The following FKBP7 variants were observed in gnomAD, a reference collection of about 807,000 sequenced individuals.
FKBP7 encodes the protein peptidyl-prolyl cis-trans isomerase FKBP7.
In FKBP7, 24 loss-of-function variants were observed where a neutral mutation model predicts 24.3. The observed-to-expected ratio is 0.99, with a 90% CI of 0.72 to 1.39. The LOEUF is 1.39. FKBP7 is among the 40% of genes most tolerant of loss of function. The pLI is 0.00. For synonymous variants in FKBP7, 98 were observed against 92.8 expected (o/e 1.06, Z -0.32); for missense variants, 257 against 269.5 (o/e 0.95, Z 0.33).
chr2:178,476,507 C>G (rs1685004603), intron 2 of FKBP7, among the ~76,000 whole-genome samples: 1 of 152,154 alleles, frequency 6.6e-6, no homozygotes, highest in Non-Finnish European at 1.5e-5. Context: ...TTCCCCTTTT[C>G]CCTCTCACTT....
At chr2:178,475,890 A>G (rs1040806474) in intron 2 of FKBP7, among the ~76,000 whole-genome samples, 1 of 152,194 alleles carries the variant, frequency 6.6e-6, no homozygotes, top group African/African-American at 2.4e-5. Flanking sequence ...AAATGACAAG[A>G]TATTGAAAGA....
Position 178,478,597 on chromosome 2 carries a change from T to A in FKBP7, c.-98A>T, listed in dbSNP as rs367946624. Reference sequence around the variant, plus strand: ...GACGCGTGGCAGGCGTTGTCCTGCGTCACAAAGGGCCGGGGCGGGGCCATA... The same window carrying A: ...GACGCGTGGCAGGCGTTGTCCTGCGACACAAAGGGCCGGGGCGGGGCCATA... On this transcript the variant is annotated 5_prime_UTR_variant, in exon 1 of 4. Transcript: ENST00000424785. The A allele has an allele frequency of 6.4e-7, 1 of 1,552,464 alleles. No homozygotes were observed. The highest frequency in any genetic ancestry group is 8.6e-7 in the Non-Finnish European group (1 of 1,157,638).
chr2:178,469,106 A>G (rs768940509), intron 3 of FKBP7, among the ~76,000 whole-genome samples: 2 of 152,122 alleles, frequency 1.3e-5, no homozygotes, highest in Non-Finnish European at 2.9e-5. Flanking sequence ...CCTGGGCTCA[A>G]GCAATCCTCC....
Position 178,465,585 on chromosome 2 carries a change from A to G in FKBP7, c.*185T>C, listed in dbSNP as rs1684630636. 1 of 468,252 alleles carries G rather than the reference A, an allele frequency of 2.1e-6. No homozygotes were observed. The highest frequency in any genetic ancestry group is 4.1e-5 in the Admixed American group (1 of 24,168). 29.0% of individuals were successfully genotyped at this position (468,252 alleles called of 1,614,324 possible). ...ATAAAGCAGTAGGAAACACAGTCATACCATTCCTGCAAGTTAAGTTTGCAA... is the reference window on the plus strand; with the variant it reads ...ATAAAGCAGTAGGAAACACAGTCATGCCATTCCTGCAAGTTAAGTTTGCAA... On this transcript the variant is annotated 3_prime_UTR_variant, in exon 4 of 4. Coordinates refer to ENST00000424785, the MANE Select transcript of FKBP7 (RefSeq NM_181342.3).
intron 2 of FKBP7, among the ~76,000 whole-genome samples, chr2:178,473,654 T>G (rs1475625769): frequency 6.6e-6 from 1 of 152,082 alleles, no homozygotes; most frequent in Non-Finnish European, 1.5e-5. Flanking sequence ...GAGTGGGTGC[T>G]CTAGTGGTAG....
Position 178,465,249 on chromosome 2 carries a change from A to G in FKBP7, c.*521T>C, listed in dbSNP as rs1684620993. ...CTTTGTGGAACAGAGATATACAACT[A>G]TCTTCCTGCACATATACCAAAGGAA... On this transcript the variant is annotated 3_prime_UTR_variant, in exon 4 of 4. Transcript: ENST00000424785. The G allele has an allele frequency of 1.3e-5, 2 of 152,246 alleles. No individual in the cohort carries two copies. Among genetic ancestry groups the G allele is most frequent in the Admixed American group, 6.5e-5 (1 of 15,278 alleles). 9.4% of individuals were successfully genotyped at this position (152,246 alleles called of 1,614,324 possible).
chr2:178,477,344 G>A, intron 1 of FKBP7, 131 bp from the exon 2 acceptor site: 1 of 871,528 alleles, frequency 1.1e-6, no homozygotes, highest in Non-Finnish European at 1.7e-6. Context: ...AACCCTTAAT[G>A]GGGTGTTTGA....
At chr2:178,469,981 CT>C (rs11370298) in intron 2 of FKBP7, among the ~76,000 whole-genome samples, 196 bp from the exon 3 acceptor site, 1 of 145,936 alleles carries the variant, frequency 6.9e-6, no homozygotes, top group African/African-American at 2.5e-5. Context: ...TTTTTTTTCT[CT>C]TTTTTTTATA....
Position 178,465,587 on chromosome 2 carries a change from C to T in FKBP7, c.*183G>A. ...AAAGCAGTAGGAAACACAGTCATAC[C>T]ATTCCTGCAAGTTAAGTTTGCAAAA... On this transcript the variant is annotated 3_prime_UTR_variant, in exon 4 of 4. Transcript: ENST00000424785. 1 of 469,120 alleles carries T rather than the reference C, an allele frequency of 2.1e-6. No individual in the cohort carries two copies. The highest frequency in any genetic ancestry group is 3.6e-6 in the Non-Finnish European group (1 of 276,376). 29.1% of individuals were successfully genotyped at this position (469,120 alleles called of 1,614,324 possible). A position where few individuals can be genotyped will look rare whatever the true frequency, so the allele number is the denominator to read the frequency against.
At chr2:178,470,891 T>G (rs1330357824) in intron 2 of FKBP7, among the ~76,000 whole-genome samples, 1 of 152,240 alleles carries the variant, frequency 6.6e-6, no homozygotes, top group Non-Finnish European at 1.5e-5. Context: ...TTATTTATTT[T>G]TTTTGAGACG....
At chr2:178,476,714 A>ATTTT (rs35360731) in intron 2 of FKBP7, among the ~76,000 whole-genome samples, 32 of 122,528 alleles carry the variant, frequency 2.6e-4, no homozygotes, top group Admixed American at 3.5e-4. Context: ...ATTCCATTTC[A>ATTTT]TTTTTTTTTT....
intron 2 of FKBP7, among the ~76,000 whole-genome samples, chr2:178,475,940 T>C (rs1240296748): frequency 6.6e-6 from 1 of 152,238 alleles, no homozygotes; most frequent in African/African-American, 2.4e-5. Context: ...TTGTCCTGTA[T>C]TGGGGTAATA....
intron 3 of FKBP7, chr2:178,467,953 C>T (rs1559376168): frequency 6.6e-6 from 1 of 152,138 alleles, no homozygotes. Flanking sequence ...CCATTTGCCA[C>T]CCCGGTAACT....
At chr2:178,471,638 C>A (rs1357374107) in intron 2 of FKBP7, among the ~76,000 whole-genome samples, 1 of 152,182 alleles carries the variant, frequency 6.6e-6, no homozygotes, top group Non-Finnish European at 1.5e-5. Context: ...TTGCCAGTGT[C>A]CTACACAGTG....
Position 178,477,091 on chromosome 2 carries a change from G to A in FKBP7, c.344C>T (p.Pro115Leu). ...PGEKRKVVIP[P>L]SFAYGKEGYA... is the part of the protein sequence containing the mutation. ...GCCTTCCTTTCCGTATGCAAATGAA[G>A]GGGGTATAACTACTTTTCGCTTTTC... Residue 115 changes from proline to leucine, a missense_variant, in exon 2 of 4, where the codon CCT becomes CTT. Transcript: ENST00000424785. The A allele has an allele frequency of 6.2e-7, 1 of 1,605,304 alleles. No individual in the cohort carries two copies. Among genetic ancestry groups the A allele is most frequent in the Non-Finnish European group, 8.5e-7 (1 of 1,177,296 alleles).
chr2:178,466,073 G>A, intron 3 of FKBP7, 142 bp from the exon 4 acceptor site: 1 of 686,954 alleles, frequency 1.5e-6, no homozygotes, highest in Non-Finnish European at 2.2e-6. Context: ...GCTATTTGAG[G>A]TTTTATTTTT....
chr2:178,466,154 T>A (rs1233974955), intron 3 of FKBP7, among the ~76,000 whole-genome samples: 1 of 152,180 alleles, frequency 6.6e-6, no homozygotes, highest in African/African-American at 2.4e-5. Flanking sequence ...TGATAGATGG[T>A]TAGTGGTACA....
At chr2:178,471,138 T>G (rs1009690743) in intron 2 of FKBP7, among the ~76,000 whole-genome samples, 1 of 152,008 alleles carries the variant, frequency 6.6e-6, no homozygotes, top group African/African-American at 2.4e-5. Flanking sequence ...GTGCTAGGAT[T>G]ACAGATGTGA....
intron 2 of FKBP7, among the ~76,000 whole-genome samples, chr2:178,476,714 ATTTTTTT>A (rs35360731): frequency 1.6e-5 from 2 of 122,530 alleles, no homozygotes; most frequent in Non-Finnish European, 3.4e-5. Context: ...ATTCCATTTC[ATTTTTTT>A]TTTTTTTTTT....
Sources: gnomAD v4.1 joint callset for allele counts (sites outside exome capture counted in the v4.1 genomes callset) on GRCh38, gnomAD v4.1.1 for gene constraint, MANE v1.5 for transcripts, NCBI Gene and HGNC (gene_info 2026-07-23, HGNC 2026-07-21) for gene names.